ARIH1: variants seen among roughly 807,000 people sequenced by gnomAD.
The protein encoded by ARIH1 is ariadne RBR E3 ubiquitin protein ligase 1.
A neutral mutation model predicts 85.0 loss-of-function variants in ARIH1; 8 were observed. The observed-to-expected ratio is 0.09, with a 90% CI of 0.06 to 0.17. ARIH1 has a LOEUF of 0.17. Among genes scored for constraint, ARIH1 ranks in the 10% least tolerant of loss-of-function variants. ARIH1 has a pLI of 1.00. For synonymous variants in ARIH1, 238 were observed against 253.6 expected (o/e 0.94, Z 0.59); for missense variants, 311 against 718.1 (o/e 0.43, Z 6.48).
chr15:72,559,330 C>G (rs1156863562), intron 5 of ARIH1, among the ~76,000 whole-genome samples: 2 of 152,028 alleles, frequency 1.3e-5, no homozygotes, highest in African/African-American at 2.4e-5. Flanking sequence ...GCAGTAGTGG[C>G]ATGATCTCGG....
intron 2 of ARIH1, among the ~76,000 whole-genome samples, chr15:72,535,477 A>G (rs574623544): frequency 1.3e-5 from 2 of 152,324 alleles, no homozygotes; most frequent in South Asian, 4.1e-4. Flanking sequence ...ATGGAACTTA[A>G]TTATATTACT....
At chr15:72,483,649 A>G (rs995040463) in intron 1 of ARIH1, among the ~76,000 whole-genome samples, 2 of 152,114 alleles carry the variant, frequency 1.3e-5, no homozygotes, top group Non-Finnish European at 2.9e-5. Context: ...TGGATTTTTT[A>G]TTTTGGATTA....
chr15:72,484,515 A>G (rs1418875535), intron 1 of ARIH1, among the ~76,000 whole-genome samples: 1 of 151,766 alleles, frequency 6.6e-6, no homozygotes, highest in Non-Finnish European at 1.5e-5. Context: ...AGAACATATA[A>G]TGTTTGGTTT....
At chr15:72,512,165 T>C (rs1320783804) in intron 1 of ARIH1, among the ~76,000 whole-genome samples, 1 of 152,150 alleles carries the variant, frequency 6.6e-6, no homozygotes, top group East Asian at 1.9e-4. Flanking sequence ...CTTATGGAAA[T>C]TGGGAAGTGG....
intron 2 of ARIH1, among the ~76,000 whole-genome samples, chr15:72,533,420 G>A (rs962433846): frequency 3.9e-5 from 6 of 152,316 alleles, no homozygotes; most frequent in Non-Finnish European, 8.8e-5. Flanking sequence ...CCGTGGGCCC[G>A]GCCCCTGGCT....
chr15:72,589,488 ACAT>A lies in ARIH1; in HGVS notation c.*6200_*6202del, dbSNP rs1290558941. The A allele has an allele frequency of 6.6e-6, 1 of 152,228 alleles. No homozygotes were observed. Among genetic ancestry groups the A allele is most frequent in the Non-Finnish European group, 1.5e-5 (1 of 68,054 alleles). The allele number at this position is 152,228 out of a possible 1,614,324, so 9.4% of individuals were successfully genotyped here. A position where few individuals can be genotyped will look rare whatever the true frequency, so the allele number is the denominator to read the frequency against. On this transcript the variant is annotated 3_prime_UTR_variant, in exon 14 of 14. Transcript: ENST00000379887. The stretch of plus-strand genomic sequence containing the variant: ...TAAAGTGGTATTGTCTACTATCTGT[ACAT>A]CATTCTCTTACAGCTCTTACTGCTG...
rs1261160723 is a variant in ARIH1, at chr15:72,589,213, C to T, written c.*5921C>T. Reference sequence around the variant, plus strand: ...AGGAAAGACACTCATATACTACTAACTTACTCAAAAGTTACACATTGAGTG... The same window carrying T: ...AGGAAAGACACTCATATACTACTAATTTACTCAAAAGTTACACATTGAGTG... On this transcript the variant is annotated 3_prime_UTR_variant, in exon 14 of 14. Transcript: ENST00000379887. 1 of 152,210 alleles carries T rather than the reference C, an allele frequency of 6.6e-6. No homozygotes were observed. Among genetic ancestry groups the T allele is most frequent in the Non-Finnish European group, 1.5e-5 (1 of 68,046 alleles). 9.4% of individuals were successfully genotyped at this position (152,210 alleles called of 1,614,324 possible). A position where few individuals can be genotyped will look rare whatever the true frequency, so the allele number is the denominator to read the frequency against.
intron 1 of ARIH1, among the ~76,000 whole-genome samples, chr15:72,501,185 C>G (rs190072469): frequency 5.3e-4 from 81 of 152,226 alleles, no homozygotes; most frequent in African/African-American, 1.9e-3. Context: ...ATATTTTTGT[C>G]TAATTCAAGA....
At chr15:72,506,367 A>G (rs974616486) in intron 1 of ARIH1, among the ~76,000 whole-genome samples, 4 of 140,758 alleles carry the variant, frequency 2.8e-5, no homozygotes, top group Non-Finnish European at 6.2e-5. Flanking sequence ...AAAAAAAAAG[A>G]AAAAAAAAAA....
At chr15:72,566,221 G>T in intron 7 of ARIH1, 1 of 228,182 alleles carries the variant, frequency 4.4e-6, no homozygotes, top group Non-Finnish European at 8.4e-6. Context: ...CTTCATTTAG[G>T]GTGTTAAGTA....
At chr15:72,547,684 A>G (rs142719879) in intron 3 of ARIH1, among the ~76,000 whole-genome samples, 2 of 152,322 alleles carry the variant, frequency 1.3e-5, no homozygotes, top group East Asian at 3.9e-4. Flanking sequence ...TATTTTGACT[A>G]TTTTATTGTC....
intron 3 of ARIH1, among the ~76,000 whole-genome samples, chr15:72,554,925 G>C (rs1196290497): frequency 1.3e-5 from 2 of 152,032 alleles, no homozygotes; most frequent in African/African-American, 4.8e-5. Context: ...GACTCATTTT[G>C]TATTTTTTGT....
rs1256820150 is a variant in ARIH1, at chr15:72,578,884, C to T, written c.1216-1847C>T. 1.6e-4 allele frequency among the ~76,000 whole-genome samples: 23 copies of T among 144,914 alleles called. 1 individual carries two copies. The East Asian group carries it at 3.4e-3, about 21-fold the overall frequency. On this transcript the variant is annotated intron_variant, in intron 11 of 13. Transcript: ENST00000379887. Reference sequence around the variant, plus strand: ...AAGGCTGGAGTGCAGTGGTGCAACTCGGCAATTCTCCTGCCTCAGCCTCCC... The same window carrying T: ...AAGGCTGGAGTGCAGTGGTGCAACTTGGCAATTCTCCTGCCTCAGCCTCCC...
chr15:72,579,984 T>C (rs572192500), intron 11 of ARIH1, among the ~76,000 whole-genome samples: 1 of 152,176 alleles, frequency 6.6e-6, no homozygotes, highest in Non-Finnish European at 1.5e-5. Flanking sequence ...TATATTATTA[T>C]TGACTATATT....
chr15:72,584,030 T>C lies in ARIH1; in HGVS notation c.*738T>C, dbSNP rs1469986379. ...GATTATGTCTATTTGCTGTGCATTT[T>C]CTTTCAGTTTGCTTATCTTTCCCGG... On this transcript the variant is annotated 3_prime_UTR_variant, in exon 14 of 14. Transcript: ENST00000379887. 6.6e-6 allele frequency: 1 copy of C among 152,256 alleles called. No homozygotes were observed. Among genetic ancestry groups the C allele is most frequent in the Non-Finnish European group, 1.5e-5 (1 of 68,048 alleles). 9.4% of individuals were successfully genotyped at this position (152,256 alleles called of 1,614,324 possible).
At chr15:72,493,201 AATTTTAAAGACTTATT>A (rs1295843886) in intron 1 of ARIH1, among the ~76,000 whole-genome samples, 1 of 152,186 alleles carries the variant, frequency 6.6e-6, no homozygotes, top group Non-Finnish European at 1.5e-5. Flanking sequence ...GCGATTCTAT[AATTTTAAAGACTTATT>A]TAACATATTG....
At chr15:72,577,752 C>T (rs2064278287) in intron 11 of ARIH1, among the ~76,000 whole-genome samples, 1 of 152,084 alleles carries the variant, frequency 6.6e-6, no homozygotes, top group Non-Finnish European at 1.5e-5. Context: ...AAAGAAAATA[C>T]AGGAGGGCTT....
intron 2 of ARIH1, among the ~76,000 whole-genome samples, chr15:72,532,312 C>A: frequency 6.6e-6 from 1 of 151,100 alleles, no homozygotes. Flanking sequence ...AAATTATGGA[C>A]AACTATTCAA....
chr15:72,577,876 A>G (rs1012715620), intron 11 of ARIH1, among the ~76,000 whole-genome samples: 2 of 152,130 alleles, frequency 1.3e-5, no homozygotes, highest in Non-Finnish European at 2.9e-5. Context: ...TTGCATTTTC[A>G]TTTCTCTAAA....
Sources: allele counts gnomAD v4.1 joint callset (sites outside exome capture counted in the v4.1 genomes callset), GRCh38; gene constraint gnomAD v4.1.1; transcripts MANE v1.5; gene names NCBI Gene and HGNC (gene_info 2026-07-23, HGNC 2026-07-21).